The following PTPRK variants were observed in gnomAD, a reference collection of about 807,000 sequenced individuals.
PTPRK encodes the protein receptor-type tyrosine-protein phosphatase kappa.
In PTPRK, 75 loss-of-function variants were observed where a neutral mutation model predicts 178.0. The observed-to-expected ratio is 0.42, with a 90% CI of 0.35 to 0.51. The LOEUF (loss-of-function observed/expected upper bound fraction) is 0.51, where lower values mean the gene tolerates loss of function less well. Among genes scored for constraint, PTPRK ranks in the 20% least tolerant of loss-of-function variants. The pLI, the probability that PTPRK is intolerant of heterozygous loss-of-function variation, is 0.02. For missense variants in PTPRK, 1,441 were observed against 1,797.8 expected (o/e 0.80, Z 3.59); for synonymous variants, 637 against 620.6 (o/e 1.03, Z -0.39).
intron 13 of PTPRK, among the ~76,000 whole-genome samples, chr6:128,041,511 C>T (rs1212494154): frequency 6.6e-6 from 1 of 151,844 alleles, no homozygotes; most frequent in Non-Finnish European, 1.5e-5. Flanking sequence ...AATACTTTTT[C>T]CCTGCAATTG....
At chr6:128,047,391 GA>G (rs1467585388) in intron 13 of PTPRK, among the ~76,000 whole-genome samples, 1 of 152,058 alleles carries the variant, frequency 6.6e-6, no homozygotes, top group Non-Finnish European at 1.5e-5. Context: ...CAGACTATAT[GA>G]ATCTTTAGTA....
chr6:128,097,101 G>GTCGAC (rs1788044312), intron 7 of PTPRK, among the ~76,000 whole-genome samples: 1 of 152,148 alleles, frequency 6.6e-6, no homozygotes, highest in East Asian at 1.9e-4. Context: ...GTCAAATTGA[G>GTCGAC]TTAATGATAA....
intron 7 of PTPRK, among the ~76,000 whole-genome samples, chr6:128,146,719 T>C (rs188609784): frequency 1.4e-3 from 213 of 152,190 alleles, no homozygotes; most frequent in Middle Eastern, 0.014. Flanking sequence ...TGAGCCACCG[T>C]GCCCAGCCTA....
Position 128,017,802 on chromosome 6 carries a change from G to GTATATATATATATATA in PTPRK, c.2195-8550_2195-8535dup, listed in dbSNP as rs34836605. On this transcript the variant is annotated intron_variant, in intron 13 of 29. Transcript: ENST00000368226. ...TACATATATAAATAAATATATATGT[G>GTATATATATATATATA]TATATATATATATATATATATATAT... Among the ~76,000 whole-genome samples, 270 of 101,182 alleles carry GTATATATATATATATA rather than the reference G, an allele frequency of 2.7e-3. 2 individuals carry two copies. The highest frequency in any genetic ancestry group is 9.9e-3 in the South Asian group (27 of 2,730). 66.4% of individuals were successfully genotyped at this position (101,182 alleles called of 152,430 possible).
At chr6:128,412,473 T>C (rs2128380170) in intron 1 of PTPRK, among the ~76,000 whole-genome samples, 1 of 152,320 alleles carries the variant, frequency 6.6e-6, no homozygotes, top group South Asian at 2.1e-4. Context: ...CAAGCAAAGC[T>C]GGCAGTTCCA....
intron 5 of PTPRK, among the ~76,000 whole-genome samples, chr6:128,230,025 T>C (rs1434489958): frequency 6.6e-6 from 1 of 152,126 alleles, no homozygotes; most frequent in Admixed American, 6.5e-5. Context: ...GGAATAAATA[T>C]AGGCATTAAT....
chr6:128,203,012 A>G (rs1445527402), intron 6 of PTPRK, among the ~76,000 whole-genome samples: 1 of 152,196 alleles, frequency 6.6e-6, no homozygotes, highest in African/African-American at 2.4e-5. Flanking sequence ...CCTCAACAAA[A>G]TACTGTTAAA....
At chr6:128,331,432 G>A (rs2128325878) in intron 2 of PTPRK, among the ~76,000 whole-genome samples, 1 of 151,588 alleles carries the variant, frequency 6.6e-6, no homozygotes, top group South Asian at 2.1e-4. Context: ...CTGAAGGTAA[G>A]CAAAAATATT....
intron 1 of PTPRK, among the ~76,000 whole-genome samples, chr6:128,454,168 C>T (rs1226506101): frequency 6.6e-6 from 1 of 152,138 alleles, no homozygotes. Context: ...CTTCTATGAA[C>T]CACAAAAAGG....
chr6:128,071,596 T>C (rs1384799482), intron 11 of PTPRK, among the ~76,000 whole-genome samples: 1 of 152,006 alleles, frequency 6.6e-6, no homozygotes, highest in Non-Finnish European at 1.5e-5. Flanking sequence ...TCTAGTGGCA[T>C]TTTACTCTCC....
intron 6 of PTPRK, among the ~76,000 whole-genome samples, chr6:128,206,855 G>C (rs1807072363): frequency 6.6e-6 from 1 of 152,120 alleles, no homozygotes; most frequent in African/African-American, 2.4e-5. Flanking sequence ...ATAATGATCA[G>C]AAGACACATG....
intron 13 of PTPRK, among the ~76,000 whole-genome samples, chr6:128,036,799 G>A (rs758131751): frequency 6.6e-6 from 1 of 151,150 alleles, no homozygotes; most frequent in Admixed American, 6.6e-5. Flanking sequence ...GCAATGGTGC[G>A]ATCTCGGCTG....
intron 2 of PTPRK, among the ~76,000 whole-genome samples, chr6:128,371,890 A>AAAAG (rs1836351427): frequency 6.7e-6 from 1 of 149,806 alleles, no homozygotes; most frequent in Non-Finnish European, 1.5e-5. Flanking sequence ...AAAAAAAAAA[A>AAAAG]GAGAGAGAGA....
chr6:128,184,967 G>A (rs1361115355), intron 6 of PTPRK, among the ~76,000 whole-genome samples: 2 of 151,874 alleles, frequency 1.3e-5, no homozygotes, highest in African/African-American at 4.8e-5. Context: ...TTTTTCAGGA[G>A]ATCAACTTGT....
chr6:128,115,279 C>G (rs1365974081), intron 7 of PTPRK, among the ~76,000 whole-genome samples: 1 of 152,118 alleles, frequency 6.6e-6, no homozygotes, highest in African/African-American at 2.4e-5. Flanking sequence ...CTGGCTCATA[C>G]ATGTAGGACA....
intron 1 of PTPRK, among the ~76,000 whole-genome samples, chr6:128,427,450 C>A (rs1259506640): frequency 6.6e-6 from 1 of 152,182 alleles, no homozygotes; most frequent in East Asian, 1.9e-4. Flanking sequence ...TCAACCCTAT[C>A]AATAAGCACA....
chr6:127,986,975 G>C (rs1399342892), intron 21 of PTPRK, among the ~76,000 whole-genome samples: 1 of 152,052 alleles, frequency 6.6e-6, no homozygotes, highest in Non-Finnish European at 1.5e-5. Context: ...CATCACCATG[G>C]AATCACCCCA....
intron 28 of PTPRK, among the ~76,000 whole-genome samples, 167 bp downstream of exon 28, chr6:127,973,497 T>C (rs898803561): frequency 6.6e-6 from 1 of 152,148 alleles, no homozygotes; most frequent in African/African-American, 2.4e-5. Flanking sequence ...TTAGAAAATA[T>C]ACAAAATAAA....
At chr6:128,113,630 T>A (rs1219426414) in intron 7 of PTPRK, among the ~76,000 whole-genome samples, 1 of 152,092 alleles carries the variant, frequency 6.6e-6, no homozygotes, top group Non-Finnish European at 1.5e-5. Flanking sequence ...CCATTTTGTG[T>A]AAGGGACTTG....
Sources: gnomAD v4.1 joint callset for allele counts (sites outside exome capture counted in the v4.1 genomes callset) on GRCh38, gnomAD v4.1.1 for gene constraint, MANE v1.5 for transcripts, NCBI Gene and HGNC (gene_info 2026-07-23, HGNC 2026-07-21) for gene names.